Variants in GLT8D2 observed in about 807,000 individuals in gnomAD.
GLT8D2 encodes the protein glycosyltransferase 8 domain-containing protein 2.
Under a neutral mutation model 44.5 loss-of-function variants are expected in GLT8D2, and 45 were observed. The observed-to-expected ratio is 1.01, with a 90% confidence interval of 0.80 to 1.30. GLT8D2 has a LOEUF of 1.30. Among genes scored for constraint, GLT8D2 ranks in the 50% most tolerant of loss-of-function variants. GLT8D2 has a pLI of 0.00. For synonymous variants in GLT8D2, 156 were observed against 157.2 expected (o/e 0.99, Z 0.06); for missense variants, 400 against 430.4 (o/e 0.93, Z 0.62).
chr12:104,061,615 A>G (rs548903216), intron 1 of GLT8D2, among the ~76,000 whole-genome samples: 2 of 152,316 alleles, frequency 1.3e-5, no homozygotes, highest in Admixed American at 1.3e-4. Context: ...ATAAATATTC[A>G]TAACCTCTTT....
intron 1 of GLT8D2, among the ~76,000 whole-genome samples, chr12:104,022,194 C>G (rs372002726): frequency 1.8e-4 from 28 of 152,006 alleles, no homozygotes; most frequent in African/African-American, 6.3e-4. Flanking sequence ...CAATAATATT[C>G]CAGGGGATGG....
intron 3 of GLT8D2, among the ~76,000 whole-genome samples, chr12:104,017,817 C>A (rs1877086299): frequency 6.6e-6 from 1 of 152,152 alleles, no homozygotes; most frequent in Non-Finnish European, 1.5e-5. Context: ...CGAGGGGTAT[C>A]TTAACCTCTC....
At chr12:103,996,610 C>A in intron 8 of GLT8D2, 125 bp downstream of exon 8, 1 of 671,878 alleles carries the variant, frequency 1.5e-6, no homozygotes. Context: ...TTCCACCTCC[C>A]TGCAGTCCAG....
upstream of GLT8D2, among the ~76,000 whole-genome samples, chr12:104,055,004 T>C (rs991115531): frequency 3.3e-5 from 5 of 152,084 alleles, no homozygotes; most frequent in Non-Finnish European, 7.4e-5. Flanking sequence ...CAGGGAAACA[T>C]GGTTAAGAGA....
At chr12:104,024,982 A>C (rs1181427209) in intron 1 of GLT8D2, among the ~76,000 whole-genome samples, 1 of 144,970 alleles carries the variant, frequency 6.9e-6, no homozygotes, top group African/African-American at 2.6e-5. Flanking sequence ...AGGCAGGAGA[A>C]TTGCCTGAAC....
chr12:104,064,263 C>T (rs1882952247), upstream of GLT8D2: 1 of 333,520 alleles, frequency 3.0e-6, no homozygotes, highest in Non-Finnish European at 5.4e-6. The surrounding 1 kb of genome is among the most constrained non-coding windows in gnomAD (Gnocchi z 7.3). Context: ...TCCCAAAATA[C>T]CGAACGGGAG....
chr12:104,016,689 AAGAAAGAAAGAAAGGGAGAG>A (rs1239643509), intron 3 of GLT8D2, among the ~76,000 whole-genome samples: 159 of 139,354 alleles, frequency 1.1e-3, no homozygotes, highest in Non-Finnish European at 1.9e-3. Flanking sequence ...AAAGAAAAGA[AAGAAAGAAAGAAAGGGAGAG>A]AGAAAGAAAG....
chr12:104,035,970 C>T (rs547492896), intron 1 of GLT8D2, among the ~76,000 whole-genome samples: 218 of 152,334 alleles, frequency 1.4e-3, no homozygotes, highest in African/African-American at 4.9e-3. Context: ...CAGCAGATCT[C>T]TCAGCAGAAA....
rs57178471 is a variant in GLT8D2, at chr12:103,990,078, AAT to A, written c.881-503_881-502del. On this transcript the variant is annotated intron_variant, in intron 10 of 10. Coordinates refer to ENST00000360814, the MANE Select transcript of GLT8D2 (RefSeq NM_001384711.1). ...TATGTATGTCTAGTGTATGTGTACA[AAT>A]ATATATATATATATATATATATATA... Among the ~76,000 whole-genome samples the A allele has an allele frequency of 5.8e-3, 700 of 121,466 alleles. 1 individual carries two copies. The highest frequency in any genetic ancestry group is 8.5e-3 in the Non-Finnish European group (483 of 56,680). The allele number at this position is 121,466 out of a possible 152,430, so 79.7% of individuals were successfully genotyped here. A position where few individuals can be genotyped will look rare whatever the true frequency, so the allele number is the denominator to read the frequency against.
At chr12:103,999,787 C>T (rs1873963374) in intron 5 of GLT8D2, among the ~76,000 whole-genome samples, 1 of 152,128 alleles carries the variant, frequency 6.6e-6, no homozygotes, top group Admixed American at 6.6e-5. Context: ...AATAATTTCC[C>T]CAGGAAACAG....
In GLT8D2 at chr12:104,017,987, G is replaced by C. The variant is rs545239365; in HGVS notation, c.19+1643C>G. On this transcript the variant is annotated intron_variant, in intron 3 of 10. Coordinates refer to ENST00000360814, the MANE Select transcript of GLT8D2 (RefSeq NM_001384711.1). ...TATTTTATCTTTTTTTTTCTTTTTT[G>C]AGACAGGGTCTCACCTCAGTTGCCC... Among the ~76,000 whole-genome samples, 3 of 149,610 alleles carry C rather than the reference G, an allele frequency of 2.0e-5. No individual in the cohort carries two copies. The East Asian group carries it at 5.9e-4, about 29-fold the overall frequency.
chr12:104,028,750 C>T (rs1206666789), intron 1 of GLT8D2, among the ~76,000 whole-genome samples: 1 of 152,122 alleles, frequency 6.6e-6, no homozygotes, highest in Non-Finnish European at 1.5e-5. Context: ...TCAAAGTAAT[C>T]ACACTTAAGA....
At chr12:104,052,054 G>A (rs1261616935), upstream of GLT8D2, among the ~76,000 whole-genome samples, 1 of 152,102 alleles carries the variant, frequency 6.6e-6, no homozygotes, top group African/African-American at 2.4e-5. Context: ...GTCCAGGTTG[G>A]TCCAAATGTA....
Position 104,042,914 on chromosome 12 carries a change from A to G in GLT8D2, c.-164+6981T>C, listed in dbSNP as rs1020298933. ...ACAAGCTTGAGGTAGAGTAAAAGGCAGAGATCTGGAACCAAGAGAAACTGG... is the reference window on the plus strand; with the variant it reads ...ACAAGCTTGAGGTAGAGTAAAAGGCGGAGATCTGGAACCAAGAGAAACTGG... On this transcript the variant is annotated intron_variant, in intron 1 of 10. Transcript: ENST00000360814. 2.6e-5 allele frequency among the ~76,000 whole-genome samples: 4 copies of G among 152,336 alleles called. No homozygotes were observed. In the South Asian group the frequency reaches 8.3e-4, roughly 32 times the overall value.
intron 3 of GLT8D2, among the ~76,000 whole-genome samples, chr12:104,017,514 G>A (rs138198448): frequency 1.3e-3 from 193 of 152,178 alleles, no homozygotes; most frequent in Middle Eastern, 0.01. Flanking sequence ...GTAGAGACAG[G>A]GTTTCACCAT....
chr12:103,993,751 G>A (rs1376372537), intron 9 of GLT8D2: 12 of 366,642 alleles, frequency 3.3e-5, no homozygotes, highest in South Asian at 6.4e-5. Context: ...TAACTCCCAG[G>A]GTTTTAAATA....
chr12:104,001,767 G>C (rs572415355), intron 5 of GLT8D2, among the ~76,000 whole-genome samples: 1 of 152,102 alleles, frequency 6.6e-6, no homozygotes, highest in East Asian at 1.9e-4. Context: ...GCAGTGGCAC[G>C]ATCTCAGCTC....
chr12:104,019,118 C>CTT (rs11291563), intron 3 of GLT8D2, among the ~76,000 whole-genome samples: 180 of 116,360 alleles, frequency 1.5e-3, no homozygotes, highest in Non-Finnish European at 1.8e-3. Context: ...ACTTCTTCTT[C>CTT]TTTTTTTTTT....
chr12:104,031,136 G>A lies in GLT8D2; in HGVS notation c.-163-9645C>T, dbSNP rs934131161. On this transcript the variant is annotated intron_variant, in intron 1 of 10. Transcript: ENST00000360814. ...GGTGAAGATCTGGAGGCGCTCCTAT[G>A]ATGTCCCACCACCTCCGATGGAGCC... 30 of 1,462,250 alleles carry A rather than the reference G, an allele frequency of 2.1e-5. No homozygotes were observed. In the African/African-American group the frequency reaches 4.0e-4, roughly 19 times the overall value. 90.6% of individuals were successfully genotyped at this position (1,462,250 alleles called of 1,614,324 possible).
Sources: gnomAD v4.1 joint callset for allele counts (sites outside exome capture counted in the v4.1 genomes callset) on GRCh38, gnomAD v4.1.1 for gene constraint, Gnocchi (gnomAD v3.1) non-coding constraint, MANE v1.5 for transcripts, NCBI Gene and HGNC (gene_info 2026-07-23, HGNC 2026-07-21) for gene names.